The following FMN2 variants were observed in gnomAD, a reference collection of about 807,000 sequenced individuals.
The protein encoded by FMN2 is formin-2.
A neutral mutation model predicts 142.3 loss-of-function variants in FMN2; 51 were observed. The ratio of observed to expected loss-of-function variants is 0.36; its 90% CI spans 0.29 to 0.45. The LOEUF (loss-of-function observed/expected upper bound fraction) is 0.45, where lower values mean the gene tolerates loss of function less well. Ranked by LOEUF, FMN2 falls within the 20% of genes least tolerant of loss-of-function variation. The probability of loss-of-function intolerance (pLI) is 1.00; values close to 1 mark genes in which losing one functional copy is unlikely to be tolerated. For synonymous variants in FMN2, 882 were observed against 869.8 expected (o/e 1.01, Z -0.25); for missense variants, 1,936 against 2,122.8 (o/e 0.91, Z 1.73).
intron 1 of FMN2, among the ~76,000 whole-genome samples, chr1:240,104,167 C>T (rs1263825219): frequency 2.0e-5 from 3 of 150,440 alleles, no homozygotes; most frequent in East Asian, 1.9e-4. Context: ...CGTGAGCCAC[C>T]GTGCCCAGCC....
At position 240,123,381 on chromosome 1, in the gene FMN2, A is replaced by T. The variant is rs1364333528; in HGVS notation, c.1782+36A>T. 4 of 1,594,422 alleles carry T rather than the reference A, an allele frequency of 2.5e-6. No individual in the cohort carries two copies. In the African/African-American group the frequency reaches 5.4e-5, roughly 21 times the overall value. ...GAATTCACTTCTGTCCGTGAGGCAG[A>T]TTTGCTGTGGAAATAGCAGCTACGA... On this transcript the variant is annotated intron_variant, in intron 2 of 17. Coordinates refer to ENST00000319653, the MANE Select transcript of FMN2 (RefSeq NM_020066.5).
chr1:240,258,188 T>G (rs1668514687), intron 7 of FMN2, among the ~76,000 whole-genome samples, 156 bp downstream of exon 7: 1 of 152,218 alleles, frequency 6.6e-6, no homozygotes, highest in South Asian at 2.1e-4. Context: ...CCATGATTGT[T>G]TCTGGAAGGA....
chr1:240,264,291 T>G (rs187568546), intron 7 of FMN2, among the ~76,000 whole-genome samples: 92 of 152,274 alleles, frequency 6.0e-4, no homozygotes, highest in African/African-American at 2.1e-3. Flanking sequence ...GATAATTGTT[T>G]GGGAAGAAAT....
At chr1:240,378,962 G>A (rs1005199586) in intron 14 of FMN2, among the ~76,000 whole-genome samples, 3 of 152,278 alleles carry the variant, frequency 2.0e-5, no homozygotes, top group Middle Eastern at 6.8e-3. Context: ...CTTAAAGAAT[G>A]TGATTGCGCT....
chr1:240,302,318 A>G (rs756398251), intron 8 of FMN2, among the ~76,000 whole-genome samples: 4 of 152,082 alleles, frequency 2.6e-5, no homozygotes. Context: ...CAGAAGCTAG[A>G]AAAAGAAATT....
At chr1:240,174,853 A>AC (rs1436106106) in intron 2 of FMN2, among the ~76,000 whole-genome samples, 1 of 152,234 alleles carries the variant, frequency 6.6e-6, no homozygotes, top group African/African-American at 2.4e-5. Context: ...ACATTAATTT[A>AC]CCACCTTAAC....
At chr1:240,466,727 G>A (rs902112483) in intron 16 of FMN2, among the ~76,000 whole-genome samples, 1 of 152,172 alleles carries the variant, frequency 6.6e-6, no homozygotes, top group Non-Finnish European at 1.5e-5. Context: ...GAATAAGCCA[G>A]TTGGAGGATG....
intron 2 of FMN2, among the ~76,000 whole-genome samples, chr1:240,163,570 T>G (rs886287226): frequency 1.3e-5 from 2 of 152,158 alleles, no homozygotes; most frequent in Non-Finnish European, 2.9e-5. Context: ...TCTAGTAATC[T>G]TAATCATTTT....
intron 6 of FMN2, among the ~76,000 whole-genome samples, chr1:240,232,852 C>T (rs1380455275): frequency 6.6e-6 from 1 of 152,162 alleles, no homozygotes; most frequent in Non-Finnish European, 1.5e-5. Context: ...CTAGGCCACC[C>T]AGGACTTTGT....
chr1:240,167,052 G>T (rs540897277), intron 2 of FMN2, among the ~76,000 whole-genome samples: 1 of 152,204 alleles, frequency 6.6e-6, no homozygotes, highest in Non-Finnish European at 1.5e-5. Context: ...AACTTGGGAG[G>T]CAGAAGTTGC....
Position 240,332,593 on chromosome 1 carries a change from A to G in FMN2, c.4585-1294A>G, listed in dbSNP as rs189066210. On this transcript the variant is annotated intron_variant, in intron 11 of 17. Transcript: ENST00000319653. The stretch of plus-strand genomic sequence containing the variant: ...GGTATCAGTTTATATATCTTATTCA[A>G]TCCTCTGTTAGGTTAAATTTCATTA... Among the ~76,000 whole-genome samples, 667 of 152,256 alleles carry G rather than the reference A, an allele frequency of 4.4e-3. 4 individuals carry two copies. The highest frequency in any genetic ancestry group is 0.015 in the African/African-American group (622 of 41,546).
At chr1:240,144,895 C>G in intron 2 of FMN2, 2 of 1,416,446 alleles carry the variant, frequency 1.4e-6, no homozygotes, top group East Asian at 4.6e-5. Flanking sequence ...CTGCCAGGTG[C>G]CTGATATACT....
At chr1:240,368,172 G>C (rs918177954) in intron 14 of FMN2, among the ~76,000 whole-genome samples, 1 of 152,090 alleles carries the variant, frequency 6.6e-6, no homozygotes, top group African/African-American at 2.4e-5. Context: ...ATGTGAAAAG[G>C]CTAGATTCCT....
At chr1:240,094,825 A>G (rs1661143667) in intron 1 of FMN2, among the ~76,000 whole-genome samples, 2 of 152,232 alleles carry the variant, frequency 1.3e-5, no homozygotes, top group Admixed American at 6.5e-5. Flanking sequence ...AACATTGCTT[A>G]GATGAAATTT....
Position 240,211,193 on chromosome 1 carries a change from G to T in FMN2, c.4023G>T (p.Lys1341Asn), listed in dbSNP as rs751109366. The T allele has an allele frequency of 6.2e-7, 1 of 1,613,262 alleles. No homozygotes were observed. Residue 1341 changes from lysine to asparagine, a missense_variant, in exon 6 of 18, where the codon AAG becomes AAT. Coordinates refer to ENST00000319653, the MANE Select transcript of FMN2 (RefSeq NM_020066.5). ...CTAAAACTGCTGTAAAGGAGAGAAA[G>T]AAACCTATCTCTGATACTATCTCAA... is the stretch of plus-strand genomic sequence containing the variant. Reference protein sequence around the residue: ...LFSKTAVKERKKPISDTISKT... With the variant: ...LFSKTAVKERNKPISDTISKT...
chr1:240,308,622 G>A (rs1670496067), intron 8 of FMN2, among the ~76,000 whole-genome samples: 1 of 151,978 alleles, frequency 6.6e-6, no homozygotes, highest in Admixed American at 6.6e-5. Flanking sequence ...TGACAACTAG[G>A]AATAGACTGT....
chr1:240,242,701 C>A (rs1388911728), intron 6 of FMN2, among the ~76,000 whole-genome samples: 1 of 152,184 alleles, frequency 6.6e-6, no homozygotes, highest in African/African-American at 2.4e-5. Flanking sequence ...AGCTGTCAGT[C>A]TCCTTCTGAG....
At chr1:240,349,545 G>T (rs1466426348) in intron 13 of FMN2, among the ~76,000 whole-genome samples, 1 of 152,112 alleles carries the variant, frequency 6.6e-6, no homozygotes, top group Admixed American at 6.6e-5. Context: ...CCAGGGAGTG[G>T]CATGTCATGT....
intron 2 of FMN2, among the ~76,000 whole-genome samples, chr1:240,135,635 G>C (rs1662904882): frequency 6.7e-6 from 1 of 149,820 alleles, no homozygotes. Context: ...TTTAAAAATT[G>C]TTAATTCTCT....
Sources: gnomAD v4.1 joint callset for allele counts (sites outside exome capture counted in the v4.1 genomes callset) on GRCh38, gnomAD v4.1.1 for gene constraint, MANE v1.5 for transcripts, NCBI Gene and HGNC (gene_info 2026-07-23, HGNC 2026-07-21) for gene names.